CAMKMT: variants seen among roughly 807,000 people sequenced by gnomAD.
CAMKMT encodes calmodulin-lysine N-methyltransferase.
A neutral mutation model predicts 48.0 loss-of-function variants in CAMKMT; 53 were observed. The ratio of observed to expected loss-of-function variants is 1.10; its 90% CI spans 0.89 to 1.39. The LOEUF (loss-of-function observed/expected upper bound fraction) is 1.39. Among genes scored for constraint, CAMKMT ranks in the 40% most tolerant of loss-of-function variants. The probability of loss-of-function intolerance (pLI) is 0.00; values close to 1 mark genes in which losing one functional copy is unlikely to be tolerated. For missense variants in CAMKMT, 428 were observed against 402.7 expected (o/e 1.06, Z -0.54); for synonymous variants, 165 against 152.3 (o/e 1.08, Z -0.61).
chr2:44,621,382 C>G (rs146321388), intron 3 of CAMKMT, among the ~76,000 whole-genome samples: 3 of 151,880 alleles, frequency 2.0e-5, no homozygotes, highest in African/African-American at 7.2e-5. Context: ...AAGGCTCTAC[C>G]TGTGTTCCTG....
intron 3 of CAMKMT, among the ~76,000 whole-genome samples, chr2:44,632,524 C>T (rs1300595495): frequency 1.3e-5 from 2 of 152,144 alleles, no homozygotes; most frequent in Non-Finnish European, 2.9e-5. Context: ...TTCACATAGT[C>T]ACTTTTTTTG....
chr2:44,377,008 T>C (rs1679764790), intron 2 of CAMKMT, among the ~76,000 whole-genome samples: 1 of 152,038 alleles, frequency 6.6e-6, no homozygotes, highest in Non-Finnish European at 1.5e-5. Flanking sequence ...TTCTGGTACT[T>C]TCTTTCTTCC....
chr2:44,590,565 G>A (rs1340893912), intron 3 of CAMKMT, among the ~76,000 whole-genome samples: 3 of 152,176 alleles, frequency 2.0e-5, no homozygotes, highest in Non-Finnish European at 2.9e-5. Flanking sequence ...CCTTTGAGAA[G>A]TGTCTGTTCA....
intron 3 of CAMKMT, among the ~76,000 whole-genome samples, chr2:44,621,125 G>A (rs1672162528): frequency 6.6e-6 from 1 of 152,008 alleles, no homozygotes; most frequent in Non-Finnish European, 1.5e-5. Flanking sequence ...AAAATTAGCT[G>A]GGCGTGGTGA....
chr2:44,647,907 CAAAAAAAAA>C (rs756753917), intron 3 of CAMKMT, among the ~76,000 whole-genome samples: 3 of 29,518 alleles, frequency 1.0e-4, no homozygotes, highest in Admixed American at 3.6e-4. Flanking sequence ...GACTCCGTCT[CAAAAAAAAA>C]AAAAAAAAAA....
At chr2:44,374,676 A>G (rs1366717427) in intron 2 of CAMKMT, among the ~76,000 whole-genome samples, 3 of 152,236 alleles carry the variant, frequency 2.0e-5, no homozygotes, top group African/African-American at 7.2e-5. Flanking sequence ...CAAGCTATAG[A>G]GTAAACTGGG....
chr2:44,384,062 A>G (rs1160559833), intron 2 of CAMKMT, among the ~76,000 whole-genome samples: 1 of 152,152 alleles, frequency 6.6e-6, no homozygotes, highest in Non-Finnish European at 1.5e-5. Flanking sequence ...CTGTTTCCAT[A>G]GTGGTTGTAC....
chr2:44,491,137 C>G (rs1669480140), intron 3 of CAMKMT, among the ~76,000 whole-genome samples: 1 of 131,892 alleles, frequency 7.6e-6, no homozygotes, highest in African/African-American at 2.9e-5. Flanking sequence ...AGCAGTAGAG[C>G]CAGACCTTGT....
chr2:44,690,613 A>T (rs1000164238), intron 3 of CAMKMT, among the ~76,000 whole-genome samples: 5 of 152,180 alleles, frequency 3.3e-5, no homozygotes, highest in Non-Finnish European at 7.3e-5. Context: ...ATTAAATGTG[A>T]TCATCCATGT....
In CAMKMT at chr2:44,362,054, C is replaced by T. The variant is rs746582717; in HGVS notation, c.47C>T (p.Ala16Val). 1.4e-6 allele frequency: 2 copies of T among 1,435,496 alleles called. No homozygotes were observed. Among genetic ancestry groups the T allele is most frequent in the African/African-American group, 1.5e-5 (1 of 66,256 alleles). 88.9% of individuals were successfully genotyped at this position (1,435,496 alleles called of 1,614,324 possible). A position where few individuals can be genotyped will look rare whatever the true frequency, so the allele number is the denominator to read the frequency against. The change falls in exon 1 of 11, where the codon GCA becomes GTA. Residue 16 changes from alanine to valine, a missense_variant. By Grantham distance (64) the Ala-to-Val change is moderately conservative. Coordinates refer to ENST00000378494, the MANE Select transcript of CAMKMT (RefSeq NM_024766.5). ...ADAGTGETAR[A>V]AGGSPAVGCT... Reference sequence around the variant, plus strand: ...GCTGGGACCGGCGAGACCGCGCGAGCAGCGGGCGGGAGTCCGGCAGTTGGC... The same window carrying T: ...GCTGGGACCGGCGAGACCGCGCGAGTAGCGGGCGGGAGTCCGGCAGTTGGC...
chr2:44,424,365 A>G lies in CAMKMT; in HGVS notation c.376+34060A>G, dbSNP rs559620428. Among the ~76,000 whole-genome samples, 213 of 151,946 alleles carry G rather than the reference A, an allele frequency of 1.4e-3. 1 individual carries two copies. The highest frequency in any genetic ancestry group is 2.1e-3 in the Non-Finnish European group (143 of 67,996). On this transcript the variant is annotated intron_variant, in intron 3 of 10. Coordinates refer to ENST00000378494, the MANE Select transcript of CAMKMT (RefSeq NM_024766.5). The stretch of plus-strand genomic sequence containing the variant: ...CAAAGTAAAGATTCCTGTCCCTTTT[A>G]TGGGCTTACAACTCTAAGGGGTCCA...
At position 44,766,446 on chromosome 2, in the gene CAMKMT, T is replaced by C. The variant is rs774354085; in HGVS notation, c.779T>C (p.Phe260Ser). ...LLQPRGKAMV[F>S]APRRGNTLNQ... ...CTGTTCTAGGGGAAAGCGATGGTAT[T>C]TGCCCCACGCCGAGGGAATACTTTA... The change falls in exon 10 of 11, where the codon TTT (phenylalanine) becomes TCT (serine). Residue 260 changes from phenylalanine to serine, a missense_variant. Transcript: ENST00000378494. The C allele has an allele frequency of 6.2e-7, 1 of 1,614,196 alleles. No individual in the cohort carries two copies. Among genetic ancestry groups the C allele is most frequent in the South Asian group, 1.1e-5 (1 of 91,078 alleles).
chr2:44,444,930 A>G (rs747618473), intron 3 of CAMKMT, among the ~76,000 whole-genome samples: 11 of 152,172 alleles, frequency 7.2e-5, no homozygotes, highest in Non-Finnish European at 1.6e-4. Flanking sequence ...CAACCCCCCA[A>G]GACACATTTT....
chr2:44,721,286 A>G (rs370146997), intron 7 of CAMKMT, among the ~76,000 whole-genome samples: 5 of 152,170 alleles, frequency 3.3e-5, no homozygotes, highest in African/African-American at 1.2e-4. Context: ...GATATTTTTT[A>G]TCTTCTTAAA....
At chr2:44,597,187 A>T (rs570078072) in intron 3 of CAMKMT, among the ~76,000 whole-genome samples, 118 of 152,278 alleles carry the variant, frequency 7.7e-4, no homozygotes, top group African/African-American at 2.6e-3. Flanking sequence ...GCCACAAAAG[A>T]TTTGATAAAC....
intron 3 of CAMKMT, among the ~76,000 whole-genome samples, chr2:44,445,631 T>C (rs1459402642): frequency 1.4e-5 from 2 of 138,772 alleles, no homozygotes; most frequent in Admixed American, 7.3e-5. Context: ...GTCCAACATG[T>C]CGGCAAAAGG....
Position 44,372,875 on chromosome 2 carries a change from A to G in CAMKMT, c.298A>G (p.Ser100Gly), listed in dbSNP as rs1572658639. 6 of 1,612,994 alleles carry G rather than the reference A, an allele frequency of 3.7e-6. No homozygotes were observed. Among genetic ancestry groups the G allele is most frequent in the East Asian group, 4.5e-5 (2 of 44,806 alleles). The change falls in exon 2 of 11, where the codon AGT (serine) becomes GGT (glycine). Residue 100 changes from serine (S) to glycine (G), a missense_variant. Physicochemically the swap from Ser to Gly is moderately conservative, Grantham distance 56. Transcript: ENST00000378494. Reference sequence around the variant, plus strand: ...TACAAGCATCTTCTGTCCTGAATACAGTATCTCCTTAAGGTAACCATTATT... The same window carrying G: ...TACAAGCATCTTCTGTCCTGAATACGGTATCTCCTTAAGGTAACCATTATT... ...QYTSIFCPEY[S>G]ISLRHNSGSL...
At chr2:44,606,344 A>G (rs1455105020) in intron 3 of CAMKMT, among the ~76,000 whole-genome samples, 1 of 152,226 alleles carries the variant, frequency 6.6e-6, no homozygotes, top group East Asian at 1.9e-4. Context: ...TCTCAAAATG[A>G]CAAATATCTT....
intron 3 of CAMKMT, among the ~76,000 whole-genome samples, chr2:44,419,695 A>C (rs1067380): frequency 0.75 from 114,541 of 152,072 alleles, 44,287 homozygotes; most frequent in African/African-American, 0.89. Flanking sequence ...TCTGCCTTAA[A>C]CTCCCAGGTA....
Sources: allele counts gnomAD v4.1 joint callset (sites outside exome capture counted in the v4.1 genomes callset), GRCh38; gene constraint gnomAD v4.1.1; transcripts MANE v1.5; gene names NCBI Gene and HGNC (gene_info 2026-07-23, HGNC 2026-07-21).